The following CTNNA3 variants were observed in gnomAD, a reference collection of about 807,000 sequenced individuals.
The protein encoded by CTNNA3 is catenin alpha-3.
A neutral mutation model predicts 95.7 loss-of-function variants in CTNNA3; 76 were observed. That is an observed-to-expected ratio of 0.79 (90% CI 0.66 to 0.96). The LOEUF (loss-of-function observed/expected upper bound fraction) is 0.96. Ranked by LOEUF, CTNNA3 falls within the 40% of genes least tolerant of loss-of-function variation. The probability of loss-of-function intolerance (pLI) is 0.00; values close to 1 mark genes in which losing one functional copy is unlikely to be tolerated. For missense variants in CTNNA3, 1,191 were observed against 1,089.8 expected, an observed-to-expected ratio of 1.09 and a Z score of -1.31; for synonymous variants, 431 against 374.4, an observed-to-expected ratio of 1.15 and a Z score of -1.74.
At chr10:66,202,293 T>C (rs10996970) in intron 13 of CTNNA3, among the ~76,000 whole-genome samples, 2 of 152,318 alleles carry the variant, frequency 1.3e-5, no homozygotes, top group East Asian at 1.9e-4. Flanking sequence ...CTAAATGGAA[T>C]TGTAAACAGA....
At chr10:66,420,750 G>C (rs988977991) in intron 11 of CTNNA3, among the ~76,000 whole-genome samples, 2 of 151,794 alleles carry the variant, frequency 1.3e-5, no homozygotes, top group Non-Finnish European at 2.9e-5. Flanking sequence ...AGTGAGCCAA[G>C]ATCATGCCAC....
intron 11 of CTNNA3, among the ~76,000 whole-genome samples, chr10:66,413,378 A>G (rs2093123293): frequency 3.5e-5 from 3 of 86,448 alleles, no homozygotes. Context: ...CTGCACTAGA[A>G]GGTTACATAG....
intron 7 of CTNNA3, among the ~76,000 whole-genome samples, chr10:66,813,122 T>G (rs1841945641): frequency 6.6e-6 from 1 of 152,160 alleles, no homozygotes; most frequent in South Asian, 2.1e-4. Context: ...GGATAAAATG[T>G]TTGCAGGTAC....
chr10:66,362,459 C>T (rs2092683267), intron 12 of CTNNA3, among the ~76,000 whole-genome samples: 1 of 151,594 alleles, frequency 6.6e-6, no homozygotes, highest in Non-Finnish European at 1.5e-5. Flanking sequence ...GCCTGTAATC[C>T]CAGCACTTTG....
chr10:65,949,104 T>A (rs1352281816), intron 17 of CTNNA3, among the ~76,000 whole-genome samples: 1 of 152,224 alleles, frequency 6.6e-6, no homozygotes, highest in Non-Finnish European at 1.5e-5. Context: ...TATTATTATT[T>A]TTTGCTTGTC....
At chr10:66,001,962 T>C (rs12356475) in intron 15 of CTNNA3, among the ~76,000 whole-genome samples, 22,938 of 152,024 alleles carry the variant, frequency 0.15, 2,167 homozygotes, top group South Asian at 0.28. Context: ...GTAGTTGTTA[T>C]CGTTTAAAGT....
chr10:67,719,595 T>C (rs1377483026), intron 1 of CTNNA3, among the ~76,000 whole-genome samples: 1 of 152,182 alleles, frequency 6.6e-6, no homozygotes, highest in Non-Finnish European at 1.5e-5. Context: ...TCAGTTTCCA[T>C]GTAGTTGAGC....
chr10:66,559,652 C>T (rs896413909), intron 10 of CTNNA3, among the ~76,000 whole-genome samples: 1 of 151,808 alleles, frequency 6.6e-6, no homozygotes, highest in African/African-American at 2.4e-5. Context: ...GCTCGGGTAT[C>T]ACGACAGACT....
At chr10:65,952,484 T>C (rs2077639472) in intron 17 of CTNNA3, among the ~76,000 whole-genome samples, 1 of 152,150 alleles carries the variant, frequency 6.6e-6, no homozygotes, top group African/African-American at 2.4e-5. Context: ...TTTGCTTCTC[T>C]CCCTTCCACT....
chr10:66,270,218 A>AT (rs1554916530), intron 13 of CTNNA3, among the ~76,000 whole-genome samples: 1,613 of 98,716 alleles, frequency 0.016, 51 homozygotes, highest in African/African-American at 0.051. Context: ...ACACTATAAC[A>AT]TTTTTTGGGG....
At chr10:67,232,298 C>G (rs1416109881) in intron 5 of CTNNA3, among the ~76,000 whole-genome samples, 3 of 152,172 alleles carry the variant, frequency 2.0e-5, no homozygotes, top group Non-Finnish European at 4.4e-5. Flanking sequence ...GCCCATCAGA[C>G]TAACAGCGGA....
intron 4 of CTNNA3, among the ~76,000 whole-genome samples, chr10:67,524,655 T>C (rs1201214324): frequency 6.6e-6 from 1 of 152,208 alleles, no homozygotes; most frequent in Non-Finnish European, 1.5e-5. Context: ...ATTTCATTCA[T>C]TTAAGCAGTT....
chr10:66,319,695 A>G (rs1395398888), intron 12 of CTNNA3, among the ~76,000 whole-genome samples: 2 of 152,134 alleles, frequency 1.3e-5, no homozygotes, highest in Non-Finnish European at 2.9e-5. Flanking sequence ...AAATAAAACA[A>G]TTACATTGGT....
In CTNNA3 at chr10:66,071,586, C is replaced by T. The variant is rs191461919; in HGVS notation, c.1978-2097G>A. Among the ~76,000 whole-genome samples the T allele has an allele frequency of 2.0e-5, 3 of 152,150 alleles. No individual in the cohort carries two copies. In the East Asian group the frequency reaches 5.8e-4, roughly 29 times the overall value. On this transcript the variant is annotated intron_variant, in intron 14 of 17. Coordinates refer to ENST00000433211, the MANE Select transcript of CTNNA3 (RefSeq NM_013266.4). ...AGCCAACAAACACGAATAATATTGC[C>T]CACAATATACCAATATATACACATT... is the stretch of plus-strand genomic sequence containing the variant.
chr10:67,667,759 A>C (rs796413849), intron 1 of CTNNA3, among the ~76,000 whole-genome samples: 15 of 152,254 alleles, frequency 9.9e-5, no homozygotes, highest in African/African-American at 3.6e-4. Context: ...AGCCAGGTAA[A>C]TATCATATTT....
chr10:66,771,154 C>T (rs1387456626), intron 8 of CTNNA3, among the ~76,000 whole-genome samples: 2 of 152,162 alleles, frequency 1.3e-5, no homozygotes, highest in Non-Finnish European at 2.9e-5. Context: ...AAGAATTAAT[C>T]AAGTTTTTGT....
At chr10:66,207,271 T>C (rs1273147219) in intron 13 of CTNNA3, among the ~76,000 whole-genome samples, 1 of 151,884 alleles carries the variant, frequency 6.6e-6, no homozygotes, top group African/African-American at 2.4e-5. Flanking sequence ...CATGCTGCAA[T>C]TGGGTAACAT....
At chr10:67,641,649 C>G (rs1839536440) in intron 2 of CTNNA3, among the ~76,000 whole-genome samples, 1 of 152,146 alleles carries the variant, frequency 6.6e-6, no homozygotes, top group Non-Finnish European at 1.5e-5. Flanking sequence ...AAATGTGGCA[C>G]ATATACACCA....
At chr10:66,956,380 T>A (rs1253369031) in intron 7 of CTNNA3, among the ~76,000 whole-genome samples, 1 of 152,038 alleles carries the variant, frequency 6.6e-6, no homozygotes, top group Non-Finnish European at 1.5e-5. Flanking sequence ...TGAGTAGGCA[T>A]TGCTTGCTAT....
Sources: gnomAD v4.1 joint callset for allele counts (sites outside exome capture counted in the v4.1 genomes callset) on GRCh38, gnomAD v4.1.1 for gene constraint, MANE v1.5 for transcripts, NCBI Gene and HGNC (gene_info 2026-07-23, HGNC 2026-07-21) for gene names.